Variants in GAS2L1 observed in about 807,000 individuals in gnomAD.
GAS2L1 encodes the protein growth arrest specific 2 like 1, also known as GAS2-like protein 1.
GAS2L1 carries 26 observed loss-of-function variants against 44.0 expected under a neutral mutation model. The ratio of observed to expected loss-of-function variants is 0.59; its 90% CI spans 0.43 to 0.82. GAS2L1 has a LOEUF of 0.82. GAS2L1 is among the 40% of genes least tolerant of loss of function. GAS2L1 has a pLI of 0.00. For synonymous variants in GAS2L1, 426 were observed against 415.9 expected, an observed-to-expected ratio of 1.02 and a Z score of -0.30; for missense variants, 1,006 against 983.0, an observed-to-expected ratio of 1.02 and a Z score of -0.31.
chr22:29,310,715 G>A (rs199615680), exon 3 of GAS2L1: 12 of 1,609,490 alleles, frequency 7.5e-6, no homozygotes, highest in African/African-American at 2.7e-5. Context: ...AGCACGACCC[G>A]TGCCGCTGCT....
exon 5 of GAS2L1, chr22:29,312,304 C>A: frequency 6.2e-7 from 1 of 1,608,274 alleles, no homozygotes; most frequent in Non-Finnish European, 8.5e-7. Flanking sequence ...CTAGATGCAC[C>A]TGGGAGCCCC....
chr22:29,311,905 T>G (rs367662201), exon 5 of GAS2L1: 2 of 1,601,770 alleles, frequency 1.2e-6, no homozygotes, highest in Non-Finnish European at 1.7e-6. Context: ...GCACCCCGGC[T>G]TTCCCGGGTC....
chr22:29,309,512 T>C (rs1048509201), intron 1 of GAS2L1, among the ~76,000 whole-genome samples: 1 of 152,210 alleles, frequency 6.6e-6, no homozygotes, highest in Non-Finnish European at 1.5e-5. Flanking sequence ...CCACCCCCTG[T>C]CCTGGACCAG....
chr22:29,311,029 T>C (rs757066429), intron 4 of GAS2L1, 31 bp downstream of exon 5: 1 of 1,590,702 alleles, frequency 6.3e-7, no homozygotes, highest in Non-Finnish European at 8.6e-7. Context: ...GAGTGAGGGG[T>C]CCAGAGGGTG....
At chr22:29,307,143 G>A (rs1375150389) in exon 1 of GAS2L1, 1 of 151,998 alleles carries the variant, frequency 6.6e-6, no homozygotes, top group African/African-American at 2.4e-5. Context: ...CGGGGCCGCG[G>A]GATGAGCCAG....
Position 29,310,627 on chromosome 22 carries a change from C to T in GAS2L1, c.742-11C>T. The T allele has an allele frequency of 1.9e-6, 3 of 1,601,958 alleles. No individual in the cohort carries two copies. Among genetic ancestry groups the T allele is most frequent in the Non-Finnish European group, 2.6e-6 (3 of 1,170,838 alleles). On this transcript the variant is annotated splice_polypyrimidine_tract_variant and intron_variant, in intron 2 of 4. Coordinates refer to ENST00000618518, the Ensembl canonical transcript of GAS2L1. ...GCCCGGGGCACAGCCGTGACCTGCC[C>T]ACACCTGCAGGTGCTGAGGAGCCAC... is the stretch of plus-strand genomic sequence containing the variant.
At chr22:29,308,544 G>T in exon 1 of GAS2L1, 1 of 1,600,944 alleles carries the variant, frequency 6.2e-7, no homozygotes, top group South Asian at 1.1e-5. Context: ...GGCGCGGCGT[G>T]GGGCACGCCT....
rs7291055 is a variant in GAS2L1 at position 29,309,063 on chromosome 22, C to T, written c.633+325C>T. ...TCCTTCTTCTGGGGGGCCGCATGATCGGGGCGCCTCCTCTGTGCCCTCCCT... is the reference window on the plus strand; with the variant it reads ...TCCTTCTTCTGGGGGGCCGCATGATTGGGGCGCCTCCTCTGTGCCCTCCCT... On this transcript the variant is annotated intron_variant, in intron 1 of 4. Coordinates refer to ENST00000618518, the Ensembl canonical transcript of GAS2L1. 2.6e-3 allele frequency among the ~76,000 whole-genome samples: 397 copies of T among 152,334 alleles called. 2 individuals carry two copies. Among genetic ancestry groups the T allele is most frequent in the African/African-American group, 8.4e-3 (350 of 41,586 alleles).
At chr22:29,308,328 G>A (rs770816847) in exon 1 of GAS2L1, 2 of 1,604,614 alleles carry the variant, frequency 1.2e-6, no homozygotes, top group Admixed American at 3.4e-5. Context: ...GGCTGCCCGT[G>A]CATTGGCAGC....
At chr22:29,310,242 C>CAAAAAAAAAA (rs1400782855) in intron 1 of GAS2L1, 197 bp from the exon 3 acceptor site, 8 of 188,986 alleles carry the variant, frequency 4.2e-5, no homozygotes, top group African/African-American at 2.6e-4. Flanking sequence ...AACTCCAACT[C>CAAAAAAAAAA]AAAAAAAAAA....
In GAS2L1 at chr22:29,311,775, C is replaced by T. The variant is rs776228782; in HGVS notation, c.1324C>T (p.Gln442Ter). ...GGCCCGGAGCCAGAGCCGCGAGGAG[C>T]AGGCTGTGCTGCTTGTGCGCAGGGA... The change falls in exon 5 of 5, where the codon CAG becomes TAG. Residue 442 changes from glutamine (Q) to a stop codon, truncating the protein, a stop_gained. Coordinates refer to ENST00000618518, the Ensembl canonical transcript of GAS2L1. LOFTEE classifies it high-confidence loss of function. 1.3e-6 allele frequency: 2 copies of T among 1,553,314 alleles called. No individual in the cohort carries two copies. Among genetic ancestry groups the T allele is most frequent in the South Asian group, 1.2e-5 (1 of 85,886 alleles).
At chr22:29,312,457 A>G (rs771198344) in exon 5 of GAS2L1, 2 of 1,521,124 alleles carry the variant, frequency 1.3e-6, no homozygotes, top group Non-Finnish European at 1.8e-6. Flanking sequence ...CATGCCCTGC[A>G]CTCAGTCACC....
chr22:29,308,322 G>A, exon 1 of GAS2L1: 1 of 1,606,300 alleles, frequency 6.2e-7, no homozygotes, highest in Non-Finnish European at 8.5e-7. Flanking sequence ...GACCGAGGCT[G>A]CCCGTGCATT....
At position 29,310,955 on chromosome 22, in the gene GAS2L1, G is replaced by A; in HGVS notation, c.967G>A (p.Val323Ile). The A allele has an allele frequency of 1.9e-6, 3 of 1,613,626 alleles. No individual in the cohort carries two copies. Among genetic ancestry groups the A allele is most frequent in the Admixed American group, 1.7e-5 (1 of 60,022 alleles). The change falls in exon 4 of 5, where the codon GTT becomes ATT. Residue 323 changes from valine to isoleucine, a missense_variant. Physicochemically the swap from Val to Ile is conservative, Grantham distance 29 (BLOSUM62 3). Transcript: ENST00000618518. ...GGGCTCCCGGCCTGAGATGACTCCC[G>A]TTAGCTTACGAAGCACAAAGGAGGG...
At chr22:29,311,794 G>T (rs771467859) in exon 5 of GAS2L1, 6 of 1,575,484 alleles carry the variant, frequency 3.8e-6, no homozygotes, top group Middle Eastern at 1.8e-4. Flanking sequence ...CTGCTTGTGC[G>T]CAGGGATCGA....
chr22:29,307,065 T>G (rs950180679), exon 1 of GAS2L1: 2 of 151,930 alleles, frequency 1.3e-5, no homozygotes, highest in African/African-American at 2.4e-5. Flanking sequence ...CGCATAGAGC[T>G]GCGGCTCGGG....
chr22:29,308,956 C>T (rs373389135), intron 1 of GAS2L1, among the ~76,000 whole-genome samples: 232 of 152,354 alleles, frequency 1.5e-3, no homozygotes, highest in African/African-American at 5.3e-3. Context: ...GCAGCCCAGC[C>T]GGGCCTGGGA....
At chr22:29,311,570 C>T (rs1440740101) in exon 5 of GAS2L1, 6 of 1,542,550 alleles carry the variant, frequency 3.9e-6, no homozygotes, top group African/African-American at 1.4e-5. Flanking sequence ...GCAGTGATGA[C>T]ACAGGCACTG....
intron 1 of GAS2L1, among the ~76,000 whole-genome samples, chr22:29,309,241 T>G (rs1268221407): frequency 6.6e-6 from 1 of 152,106 alleles, no homozygotes; most frequent in African/African-American, 2.4e-5. Flanking sequence ...GTCTCCCCAC[T>G]CCCCAGGCAC....
Sources: gnomAD v4.1 joint callset for allele counts (sites outside exome capture counted in the v4.1 genomes callset) on GRCh38, gnomAD v4.1.1 for gene constraint, MANE v1.5 for transcripts, NCBI Gene and HGNC (gene_info 2026-07-23, HGNC 2026-07-21) for gene names.